The following ASH1L variants were observed in gnomAD, a reference collection of about 807,000 sequenced individuals.
The protein encoded by ASH1L is ASH1 like histone lysine methyltransferase, also known as histone-lysine N-methyltransferase ASH1L.
ASH1L carries 23 observed loss-of-function variants against 269.0 expected under a neutral mutation model. The observed-to-expected ratio is 0.09, with a 90% CI of 0.06 to 0.12. The LOEUF (loss-of-function observed/expected upper bound fraction) is 0.12. ASH1L is among the 10% of genes least tolerant of loss of function. The pLI is 1.00. For missense variants in ASH1L, 2,912 were observed against 3,567.8 expected, an observed-to-expected ratio of 0.82 and a Z score of 4.68; for synonymous variants, 1,187 against 1,253.5, an observed-to-expected ratio of 0.95 and a Z score of 1.12.
chr1:155,484,382 G>T (rs928295391), intron 2 of ASH1L, among the ~76,000 whole-genome samples: 4 of 151,966 alleles, frequency 2.6e-5, no homozygotes, highest in African/African-American at 9.7e-5. Context: ...TCAGCTACCG[G>T]GAGGCTGAGG....
intron 5 of ASH1L, among the ~76,000 whole-genome samples, chr1:155,432,576 T>A (rs1228823665): frequency 6.6e-6 from 1 of 152,178 alleles, no homozygotes; most frequent in African/African-American, 2.4e-5. Context: ...ACTCAGTGTG[T>A]CATGTCCTTC....
intron 1 of ASH1L, among the ~76,000 whole-genome samples, chr1:155,549,716 T>A (rs1671067483): frequency 6.6e-6 from 1 of 151,878 alleles, no homozygotes; most frequent in South Asian, 2.1e-4. Flanking sequence ...GACTGGCACA[T>A]CCACAGATTT....
chr1:155,425,501 C>A (rs982446099), intron 5 of ASH1L, among the ~76,000 whole-genome samples: 1 of 150,042 alleles, frequency 6.7e-6, no homozygotes, highest in South Asian at 2.1e-4. Context: ...TGCAATGGTG[C>A]GATCTTGGCT....
At chr1:155,487,780 T>C (rs929242204) in intron 2 of ASH1L, among the ~76,000 whole-genome samples, 1 of 152,230 alleles carries the variant, frequency 6.6e-6, no homozygotes, top group African/African-American at 2.4e-5. Flanking sequence ...TTTCTATATG[T>C]ATGTTATACT....
At chr1:155,351,695 CA>C (rs1653944088) in intron 17 of ASH1L, among the ~76,000 whole-genome samples, 1 of 151,614 alleles carries the variant, frequency 6.6e-6, no homozygotes, top group Non-Finnish European at 1.5e-5. Context: ...CTAAAAAATA[CA>C]AAACTTAGGC....
intron 7 of ASH1L, among the ~76,000 whole-genome samples, chr1:155,380,499 T>C (rs1656840821): frequency 6.6e-6 from 1 of 152,150 alleles, no homozygotes; most frequent in Non-Finnish European, 1.5e-5. Context: ...AATTCTTGTG[T>C]TTAAATAACT....
chr1:155,405,099 C>A (rs891297497), intron 6 of ASH1L, among the ~76,000 whole-genome samples: 5 of 151,062 alleles, frequency 3.3e-5, no homozygotes, highest in Non-Finnish European at 7.4e-5. Context: ...ACAACAATTA[C>A]AATAGCAGTA....
chr1:155,425,280 T>G (rs1661048142), intron 5 of ASH1L, among the ~76,000 whole-genome samples: 1 of 133,272 alleles, frequency 7.5e-6, no homozygotes, highest in Non-Finnish European at 1.5e-5. Flanking sequence ...CGGCCTAGTT[T>G]TTTTTTTTTT....
rs187679053 is a variant in ASH1L at position 155,395,367 on chromosome 1, T to C, written c.6103+92A>G. On this transcript the variant is annotated intron_variant, in intron 7 of 27. Transcript: ENST00000392403. The stretch of plus-strand genomic sequence containing the variant: ...AAAGAGCTTGATCCCACTGGAGAAA[T>C]AGAAATAATAACAAGATTAAAAAGA... The C allele has an allele frequency of 7.0e-4, 661 of 949,112 alleles. 11 individuals carry two copies. The South Asian group carries it at 7.8e-3, about 11-fold the overall frequency. 58.8% of individuals were successfully genotyped at this position (949,112 alleles called of 1,614,324 possible).
At chr1:155,388,503 T>C (rs1657627497) in intron 7 of ASH1L, among the ~76,000 whole-genome samples, 1 of 152,072 alleles carries the variant, frequency 6.6e-6, no homozygotes, top group Non-Finnish European at 1.5e-5. Context: ...GTTTTCATTA[T>C]GTTGTCCAGG....
rs1655904564 is a variant in ASH1L at position 155,371,106 on chromosome 1, C to T, written c.6333-123G>A. The T allele has an allele frequency of 3.9e-6, 3 of 778,164 alleles. No homozygotes were observed. The South Asian group carries it at 5.6e-5, about 15-fold the overall frequency. The allele number at this position is 778,164 out of a possible 1,614,324, so 48.2% of individuals were successfully genotyped here. On this transcript the variant is annotated intron_variant, in intron 10 of 27. Coordinates refer to ENST00000392403, the MANE Select transcript of ASH1L (RefSeq NM_018489.3). ...AATCAATTTTTATTTAATAAAAGTA[C>T]CCGAATCACTAAGATTAAAATAATA... is the stretch of plus-strand genomic sequence containing the variant.
At chr1:155,519,496 A>G (rs1668724203) in intron 2 of ASH1L, among the ~76,000 whole-genome samples, 1 of 152,214 alleles carries the variant, frequency 6.6e-6, no homozygotes, top group African/African-American at 2.4e-5. Flanking sequence ...TGGATTATTC[A>G]GCCATGAAAA....
chr1:155,453,108 A>T (rs2148659389), intron 4 of ASH1L, among the ~76,000 whole-genome samples: 1 of 152,260 alleles, frequency 6.6e-6, no homozygotes, highest in Non-Finnish European at 1.5e-5. Context: ...AAATCCCAGC[A>T]CTTTGGGGGG....
intron 1 of ASH1L, among the ~76,000 whole-genome samples, chr1:155,553,786 GCTC>G (rs927700279): frequency 1.1e-4 from 16 of 151,874 alleles, no homozygotes; most frequent in African/African-American, 1.4e-4. Flanking sequence ...TTGTTAACAT[GCTC>G]CTCCTATTAG....
At chr1:155,517,792 T>C (rs1436973252) in intron 2 of ASH1L, among the ~76,000 whole-genome samples, 1 of 141,888 alleles carries the variant, frequency 7.0e-6, no homozygotes, top group Non-Finnish European at 1.5e-5. Context: ...GCCAATAATT[T>C]CTTTTTTTTT....
At chr1:155,421,183 T>C (rs191535102) in intron 5 of ASH1L, among the ~76,000 whole-genome samples, 6 of 139,696 alleles carry the variant, frequency 4.3e-5, no homozygotes, top group Non-Finnish European at 9.0e-5. Flanking sequence ...AGGCTGACAG[T>C]AAGCCATTGC....
At chr1:155,435,732 G>A (rs1204085174) in intron 5 of ASH1L, among the ~76,000 whole-genome samples, 1 of 151,990 alleles carries the variant, frequency 6.6e-6, no homozygotes, top group Non-Finnish European at 1.5e-5. Context: ...TATAAATGAT[G>A]AACATTAAAT....
intron 5 of ASH1L, among the ~76,000 whole-genome samples, chr1:155,419,858 A>G (rs1660523818): frequency 6.6e-6 from 1 of 152,346 alleles, no homozygotes; most frequent in South Asian, 2.1e-4. Context: ...CTACTCACAC[A>G]TTGTGTGATT....
At chr1:155,411,588 T>TAA (rs1360747933) in intron 6 of ASH1L, among the ~76,000 whole-genome samples, 399 of 31,160 alleles carry the variant, frequency 0.013, 4 homozygotes, top group Middle Eastern at 0.016. Flanking sequence ...AATAAATAAA[T>TAA]ATATATATAT....
Sources: allele counts gnomAD v4.1 joint callset (sites outside exome capture counted in the v4.1 genomes callset), GRCh38; gene constraint gnomAD v4.1.1; transcripts MANE v1.5; gene names NCBI Gene and HGNC (gene_info 2026-07-23, HGNC 2026-07-21).